The following CIMAP1C variants were observed in gnomAD, a reference collection of about 807,000 sequenced individuals.
The protein encoded by CIMAP1C is outer dense fiber of sperm tails 3 like 1.
the CIMAP1C span, among the ~76,000 whole-genome samples, chr15:75,726,863 C>T: frequency 6.6e-6 from 1 of 152,138 alleles, no homozygotes; most frequent in East Asian, 1.9e-4. Flanking sequence ...ATCTGCCTGC[C>T]TTAGCCTCCC....
At chr15:75,726,268 C>T in the CIMAP1C span, 10 of 727,294 alleles carry the variant, frequency 1.4e-5, no homozygotes, top group South Asian at 1.7e-4. Context: ...AAGACTTCCT[C>T]CTTGGAAATG....
the CIMAP1C span, chr15:75,724,419 A>C: frequency 1.3e-6 from 1 of 794,752 alleles, no homozygotes; most frequent in South Asian, 1.5e-5. Flanking sequence ...TTGAAGCCTT[A>C]CAGAAGACCT....
chr15:75,724,389 C>T, the CIMAP1C span: 2 of 1,031,820 alleles, frequency 1.9e-6, no homozygotes, highest in Non-Finnish European at 3.0e-6. Flanking sequence ...CTGCCTCCTG[C>T]AAAGCCCCTT....
At chr15:75,724,996 G>A in the CIMAP1C span, 266 of 689,272 alleles carry the variant, frequency 3.9e-4, 4 homozygotes, top group African/African-American at 4.0e-3. Context: ...GTGGCAGTGC[G>A]ATAGCAGCAA....
At chr15:75,725,354 A>C in the CIMAP1C span, 2 of 688,462 alleles carry the variant, frequency 2.9e-6, no homozygotes, top group Admixed American at 4.5e-5. Context: ...AGAGGAAGCC[A>C]GCGGGGATTG....
chr15:75,727,172 G>A, the CIMAP1C span: 1 of 1,614,084 alleles, frequency 6.2e-7, no homozygotes, highest in Non-Finnish European at 8.5e-7. Flanking sequence ...CAGAGTGATG[G>A]ACCTCAACCC....
chr15:75,726,051 C>G, the CIMAP1C span: 3 of 1,603,506 alleles, frequency 1.9e-6, no homozygotes, highest in South Asian at 3.3e-5. Flanking sequence ...CCTTGGTTGC[C>G]CTGCAGGGAT....
At chr15:75,725,897 G>A in the CIMAP1C span, among the ~76,000 whole-genome samples, 2 of 152,236 alleles carry the variant, frequency 1.3e-5, no homozygotes, top group Non-Finnish European at 2.9e-5. Context: ...ACCAGGTCAT[G>A]TGTTAAAAGT....
At chr15:75,724,240 C>A in the CIMAP1C span, 3 of 1,614,178 alleles carry the variant, frequency 1.9e-6, no homozygotes, top group Non-Finnish European at 2.5e-6. Context: ...GTGTACTTTG[C>A]ACAGCACCCA....
At chr15:75,726,047 T>C in the CIMAP1C span, 1 of 1,595,710 alleles carries the variant, frequency 6.3e-7, no homozygotes, top group South Asian at 1.1e-5. Flanking sequence ...CTCTCCTTGG[T>C]TGCCCTGCAG....
chr15:75,726,579 T>C, the CIMAP1C span, among the ~76,000 whole-genome samples: 2 of 152,132 alleles, frequency 1.3e-5, no homozygotes, highest in Non-Finnish European at 2.9e-5. Context: ...TGTGTTGCCA[T>C]CCTGATGTCA....
At chr15:75,724,321 A>G in the CIMAP1C span, 1 of 1,600,016 alleles carries the variant, frequency 6.2e-7, no homozygotes, top group East Asian at 2.2e-5. Context: ...ATCAAAGGTG[A>G]GAGCCATCCC....
the CIMAP1C span, among the ~76,000 whole-genome samples, chr15:75,724,516 T>C: frequency 6.6e-6 from 1 of 152,240 alleles, no homozygotes; most frequent in Admixed American, 6.5e-5. Context: ...GGACTTGCAG[T>C]GAGGCCCGCT....
At chr15:75,724,188 C>G in the CIMAP1C span, 3 of 1,589,946 alleles carry the variant, frequency 1.9e-6, no homozygotes, top group South Asian at 1.1e-5. Flanking sequence ...TGCTCCCTGC[C>G]CAGCCCCAGC....
At chr15:75,727,345 CATCT>C in the CIMAP1C span, 50 of 1,614,052 alleles carry the variant, frequency 3.1e-5, no homozygotes, top group Admixed American at 1.0e-4. Context: ...CTGAGCCATC[CATCT>C]ATCAGAACCG....
chr15:75,726,424 C>T, the CIMAP1C span, among the ~76,000 whole-genome samples: 11 of 152,070 alleles, frequency 7.2e-5, no homozygotes, highest in Admixed American at 2.0e-4. Flanking sequence ...TATTGTCATG[C>T]GAACGAGCTC....
chr15:75,727,344 C>T, the CIMAP1C span: 27 of 1,614,114 alleles, frequency 1.7e-5, no homozygotes, highest in East Asian at 2.2e-4. Context: ...CCTGAGCCAT[C>T]CATCTATCAG....
the CIMAP1C span, chr15:75,727,438 G>A: frequency 3.5e-5 from 56 of 1,613,854 alleles, no homozygotes; most frequent in Non-Finnish European, 3.2e-5. Flanking sequence ...GCTCCCACGA[G>A]GTCCAGCAGG....
the CIMAP1C span, chr15:75,727,416 G>A: frequency 1.1e-3 from 1,810 of 1,613,952 alleles, 19 homozygotes; most frequent in African/African-American, 0.021. Context: ...CTCACGCCAC[G>A]GCCTGGCCCC....
Sources: gnomAD v4.1 joint callset for allele counts (sites outside exome capture counted in the v4.1 genomes callset) on GRCh38, gnomAD v4.1.1 for gene constraint, MANE v1.5 for transcripts, NCBI Gene and HGNC (gene_info 2026-07-23, HGNC 2026-07-21) for gene names.